The following CEP192 variants were observed in gnomAD, a reference collection of about 807,000 sequenced individuals.
CEP192 encodes centrosomal protein of 192 kDa.
In CEP192, 151 loss-of-function variants were observed where a neutral mutation model predicts 271.8. The ratio of observed to expected loss-of-function variants is 0.56; its 90% CI spans 0.49 to 0.64. The LOEUF is 0.64. CEP192 is among the 30% of genes least tolerant of loss of function. The pLI is 0.00. For synonymous variants in CEP192, 995 were observed against 1,076.5 expected, an observed-to-expected ratio of 0.92 and a Z score of 1.48; for missense variants, 2,910 against 3,020.5, an observed-to-expected ratio of 0.96 and a Z score of 0.86.
At chr18:13,057,791 A>G in intron 20 of CEP192, 58 bp downstream of exon 20, 4 of 1,535,490 alleles carry the variant, frequency 2.6e-6, no homozygotes, top group Non-Finnish European at 3.6e-6. Context: ...TAGGTGCTTG[A>G]TTTCCCCCAT....
At position 13,048,877 on chromosome 18, in the gene CEP192, A is replaced by G. The variant is rs1186894172; in HGVS notation, c.2086A>G (p.Asn696Asp). 2.6e-5 allele frequency: 42 copies of G among 1,600,908 alleles called. No individual in the cohort carries two copies. The highest frequency in any genetic ancestry group is 3.6e-5 in the Non-Finnish European group (42 of 1,172,766). Residue 696 changes from asparagine to aspartate, a missense_variant, in exon 16 of 45, where the codon AAC becomes GAC. Asn to Asp is a conservative substitution (Grantham distance 23, BLOSUM62 1). Transcript: ENST00000506447. The stretch of plus-strand genomic sequence containing the variant: ...CTTCTAGGACACTTTCTTCATGAGC[A>G]ACAAACCCCAAAGATACAAAGACAA... The part of the protein sequence containing the change: ...GKTEDTFFMS[N>D]KPQRYKDKLP...
chr18:13,108,920 G>C (rs1322534558), intron 40 of CEP192, among the ~76,000 whole-genome samples: 1 of 152,070 alleles, frequency 6.6e-6, no homozygotes, highest in African/African-American at 2.4e-5. Context: ...TGCTAGCAAG[G>C]CTGCAGAGAA....
At chr18:13,094,081 G>A (rs189381529) in intron 34 of CEP192, among the ~76,000 whole-genome samples, 33 of 152,236 alleles carry the variant, frequency 2.2e-4, no homozygotes, top group East Asian at 1.2e-3. Context: ...TCACACTTTT[G>A]GTAGGAATGA....
rs755538721 is a variant in CEP192, at chr18:13,071,155, C to T, written c.5291C>T (p.Ser1764Leu). ...LSPGPCLDIPSILSNKQFLAW... is the reference protein window; with the variant it reads ...LSPGPCLDIPLILSNKQFLAW... ...CCTGGACCTTGCTTAGATATTCCAT[C>T]GATTTTGTCCAACAAACAATTTCTG... is the stretch of plus-strand genomic sequence containing the variant. The change falls in exon 28 of 45, where the codon TCG (serine) becomes TTG (leucine). Residue 1764 changes from serine to leucine, a missense_variant. Physicochemically the swap from Ser to Leu is moderately radical, Grantham distance 145. Transcript: ENST00000506447. The T allele has an allele frequency of 9.3e-6, 15 of 1,614,096 alleles. No individual in the cohort carries two copies. Among genetic ancestry groups the T allele is most frequent in the Non-Finnish European group, 1.1e-5 (13 of 1,179,958 alleles).
intron 5 of CEP192, among the ~76,000 whole-genome samples, chr18:13,014,561 C>A (rs188178052): frequency 6.5e-4 from 99 of 152,226 alleles, no homozygotes; most frequent in Middle Eastern, 3.4e-3. Flanking sequence ...TGAAAACTTT[C>A]AAAGCTCAGA....
intron 18 of CEP192, among the ~76,000 whole-genome samples, chr18:13,055,000 G>A (rs560618730): frequency 7.9e-5 from 12 of 152,256 alleles, no homozygotes; most frequent in South Asian, 6.2e-4. Flanking sequence ...ATCTTTGGCC[G>A]GGTGTGGTGG....
chr18:13,101,770 C>T (rs1236472992), intron 38 of CEP192, among the ~76,000 whole-genome samples: 7 of 152,184 alleles, frequency 4.6e-5, no homozygotes, highest in Non-Finnish European at 5.9e-5. Flanking sequence ...TCAGCTCACC[C>T]ACTGAGGGCT....
chr18:13,012,194 T>C (rs1229070275), intron 4 of CEP192, among the ~76,000 whole-genome samples: 1 of 152,176 alleles, frequency 6.6e-6, no homozygotes, highest in Non-Finnish European at 1.5e-5. Context: ...GTGTTTCATT[T>C]TGGAATAATG....
chr18:13,050,836 T>C (rs2036746089), intron 17 of CEP192, among the ~76,000 whole-genome samples: 1 of 152,190 alleles, frequency 6.6e-6, no homozygotes, highest in Non-Finnish European at 1.5e-5. Flanking sequence ...TGCCTCGGCC[T>C]CCCAACGTGC....
intron 15 of CEP192, among the ~76,000 whole-genome samples, chr18:13,045,619 C>T (rs867399841): frequency 5.9e-5 from 9 of 152,328 alleles, no homozygotes; most frequent in Middle Eastern, 3.4e-3. Flanking sequence ...AAATCTCCCA[C>T]CATGATTGTG....
intron 40 of CEP192, among the ~76,000 whole-genome samples, chr18:13,108,398 C>T (rs971234298): frequency 2.6e-5 from 4 of 152,142 alleles, no homozygotes; most frequent in African/African-American, 9.7e-5. Flanking sequence ...CATTCACAAA[C>T]TATTCATCTG....
intron 9 of CEP192, among the ~76,000 whole-genome samples, chr18:13,027,988 A>T (rs2035399540): frequency 6.6e-6 from 1 of 152,180 alleles, no homozygotes; most frequent in Non-Finnish European, 1.5e-5. Flanking sequence ...GCATGCCTAA[A>T]ACAACAGAAA....
intron 40 of CEP192, among the ~76,000 whole-genome samples, chr18:13,106,998 T>G (rs1476651898): frequency 1.3e-5 from 2 of 152,242 alleles, no homozygotes; most frequent in Non-Finnish European, 2.9e-5. Flanking sequence ...CAAGAAACTG[T>G]AATACTACTC....
At chr18:13,091,612 T>A (rs1317468055) in intron 33 of CEP192, among the ~76,000 whole-genome samples, 1 of 152,230 alleles carries the variant, frequency 6.6e-6, no homozygotes, top group East Asian at 1.9e-4. Context: ...TGATTTAAAC[T>A]TTTTCAGTCA....
Position 13,089,499 on chromosome 18 carries a change from G to T in CEP192, c.6037G>T (p.Glu2013Ter). 1 of 1,606,920 alleles carries T rather than the reference G, an allele frequency of 6.2e-7. No individual in the cohort carries two copies. The highest frequency in any genetic ancestry group is 8.5e-7 in the Non-Finnish European group (1 of 1,176,260). The change falls in exon 33 of 45, where the codon GAA (glutamate) becomes TAA (stop). Residue 2013 changes from glutamate (E) to a stop codon, truncating the protein, a stop_gained. Transcript: ENST00000506447. LOFTEE classifies it high-confidence loss of function. Reference sequence around the variant, plus strand: ...AGAGATGATAAAACAGATACTTCCAGAACATAGTGTGCTTCAAAACATTAA... The same window carrying T: ...AGAGATGATAAAACAGATACTTCCATAACATAGTGTGCTTCAAAACATTAA... ...KPEMIKQILPEHSVLQNINFV... is the reference protein window; with the variant it reads ...KPEMIKQILP
chr18:13,092,837 C>G (rs1407440899), intron 34 of CEP192, among the ~76,000 whole-genome samples: 3 of 151,956 alleles, frequency 2.0e-5, no homozygotes, highest in Admixed American at 6.6e-5. Context: ...GCATGATAAC[C>G]AATTAGCCCT....
intron 15 of CEP192, among the ~76,000 whole-genome samples, chr18:13,044,409 A>G (rs1409321779): frequency 2.7e-5 from 4 of 150,116 alleles, no homozygotes; most frequent in Admixed American, 6.6e-5. Flanking sequence ...AATTTGATGC[A>G]TGGTGTAAGG....
intron 1 of CEP192, among the ~76,000 whole-genome samples, chr18:12,992,799 G>C (rs1402584147): frequency 6.6e-6 from 1 of 152,158 alleles, no homozygotes; most frequent in Non-Finnish European, 1.5e-5. Context: ...GGGATTGTCA[G>C]CTCCCTGAGG....
At chr18:13,096,011 T>C (rs1261160308) in intron 35 of CEP192, among the ~76,000 whole-genome samples, 173 bp from the exon 36 acceptor site, 1 of 152,220 alleles carries the variant, frequency 6.6e-6, no homozygotes, top group African/African-American at 2.4e-5. Context: ...ATTTCCAGGA[T>C]TCCTTTTTCC....
Sources: allele counts gnomAD v4.1 joint callset (sites outside exome capture counted in the v4.1 genomes callset), GRCh38; gene constraint gnomAD v4.1.1; transcripts MANE v1.5; gene names NCBI Gene and HGNC (gene_info 2026-07-23, HGNC 2026-07-21).